CLCN3: variants seen among roughly 807,000 people sequenced by gnomAD.
CLCN3 encodes H(+)/Cl(-) exchange transporter 3.
In CLCN3, 16 loss-of-function variants were observed where a neutral mutation model predicts 83.4. The ratio of observed to expected loss-of-function variants is 0.19; its 90% CI spans 0.13 to 0.29. The LOEUF (loss-of-function observed/expected upper bound fraction) is 0.29, where lower values mean the gene tolerates loss of function less well. CLCN3 is among the 10% of genes least tolerant of loss of function. The probability of loss-of-function intolerance (pLI) is 1.00; values close to 1 mark genes in which losing one functional copy is unlikely to be tolerated. For missense variants in CLCN3, 544 were observed against 1,006.0 expected (o/e 0.54, Z 6.21); for synonymous variants, 322 against 346.2 (o/e 0.93, Z 0.78).
chr4:169,678,886 C>G (rs1731789402), intron 2 of CLCN3, among the ~76,000 whole-genome samples: 1 of 152,062 alleles, frequency 6.6e-6, no homozygotes, highest in Admixed American at 6.6e-5. Context: ...TTTGACAAAA[C>G]TGCCATCCTC....
Position 169,678,532 on chromosome 4 carries a change from G to C in CLCN3, c.161-1518G>C, listed in dbSNP as rs564455745. On this transcript the variant is annotated intron_variant, in intron 2 of 12. Transcript: ENST00000513761. ...GTCAGCAGATAAACATGTGAACAAA[G>C]GTCTCTGGTTTTCCTAGGCAGAGGA... 5.3e-5 allele frequency among the ~76,000 whole-genome samples: 8 copies of C among 152,204 alleles called. No individual in the cohort carries two copies. The East Asian group carries it at 1.2e-3, about 22-fold the overall frequency.
At chr4:169,629,971 C>A (rs1217666536) in intron 1 of CLCN3, among the ~76,000 whole-genome samples, 1 of 152,050 alleles carries the variant, frequency 6.6e-6, no homozygotes, top group Non-Finnish European at 1.5e-5. Context: ...AGCACCTATT[C>A]TTTAAGGTTG....
At chr4:169,672,244 A>AGATAGATAGATAGATAGATG (rs1256267197) in intron 2 of CLCN3, among the ~76,000 whole-genome samples, 40 of 151,956 alleles carry the variant, frequency 2.6e-4, no homozygotes, top group African/African-American at 9.2e-4. Context: ...ATAGATAGAT[A>AGATAGATAGATAGATAGATG]GATAGATAGA....
At chr4:169,682,477 A>G (rs1311487403) in intron 3 of CLCN3, among the ~76,000 whole-genome samples, 1 of 152,200 alleles carries the variant, frequency 6.6e-6, no homozygotes, top group Non-Finnish European at 1.5e-5. Context: ...CCATAGTTTG[A>G]TGTCACTCTT....
chr4:169,676,841 A>T (rs1249623943), intron 2 of CLCN3, among the ~76,000 whole-genome samples: 1 of 152,046 alleles, frequency 6.6e-6, no homozygotes. Context: ...TCTTTTACAG[A>T]CTATACTCAT....
intron 12 of CLCN3, among the ~76,000 whole-genome samples, chr4:169,718,746 T>G (rs955934559): frequency 1.3e-5 from 2 of 152,242 alleles, no homozygotes; most frequent in Admixed American, 1.3e-4. Flanking sequence ...CAACTGATTA[T>G]GTATTCCTGT....
chr4:169,723,067 G>A lies in CLCN3; in HGVS notation c.*3070G>A, dbSNP rs1261455465. On this transcript the variant is annotated 3_prime_UTR_variant, in exon 13 of 13. Transcript: ENST00000513761. ...GAATGCTTAGTTAATCTGTAATGTT[G>A]CCTAGAGCTGTATTTATCTGTTTTT... is the stretch of plus-strand genomic sequence containing the variant. 1 of 152,112 alleles carries A rather than the reference G, an allele frequency of 6.6e-6. No individual in the cohort carries two copies. The highest frequency in any genetic ancestry group is 1.5e-5 in the Non-Finnish European group (1 of 68,026). 9.4% of individuals were successfully genotyped at this position (152,112 alleles called of 1,614,324 possible).
chr4:169,680,157 A>G lies in CLCN3; in HGVS notation c.268A>G (p.Thr90Ala). ...TGTTGGTACATATGATGATTTCCAT[A>G]CTATTGATTGGGTGCGAGAAAAATG... ...PGVGTYDDFHTIDWVREKCKD... is the reference protein window; with the variant it reads ...PGVGTYDDFHAIDWVREKCKD... The change falls in exon 3 of 13, where the codon ACT becomes GCT. Residue 90 changes from threonine to alanine, a missense_variant. Thr to Ala is a moderately conservative substitution (Grantham distance 58). Transcript: ENST00000513761. The G allele has an allele frequency of 1.2e-6, 2 of 1,613,842 alleles. No individual in the cohort carries two copies. Among genetic ancestry groups the G allele is most frequent in the Non-Finnish European group, 1.7e-6 (2 of 1,179,720 alleles).
intron 3 of CLCN3, among the ~76,000 whole-genome samples, chr4:169,686,419 C>CTTT (rs34609299): frequency 7.1e-6 from 1 of 141,616 alleles, no homozygotes; most frequent in Non-Finnish European, 1.5e-5. Flanking sequence ...TGAAAATTGA[C>CTTT]TTTTTTTTTT....
At chr4:169,708,359 C>T (rs534405747) in intron 11 of CLCN3, among the ~76,000 whole-genome samples, 2 of 152,260 alleles carry the variant, frequency 1.3e-5, no homozygotes, top group African/African-American at 4.8e-5. Context: ...ACACCCTGTT[C>T]AGTTTGGGAA....
Position 169,697,701 on chromosome 4 carries a change from A to C in CLCN3, c.1530A>C (p.Lys510Asn). 6.2e-7 allele frequency: 1 copy of C among 1,612,262 alleles called. No homozygotes were observed. Among genetic ancestry groups the C allele is most frequent in the Non-Finnish European group, 8.5e-7 (1 of 1,179,498 alleles). The change falls in exon 9 of 13, where the codon AAA becomes AAC. Residue 510 changes from lysine (K) to asparagine (N), a missense_variant. Physicochemically the swap from Lys to Asn is moderately conservative, Grantham distance 94 (BLOSUM62 0). Around this residue, in one of 6 missense-constraint regions of CLCN3, gnomAD observed 194 missense variants for 341.4 expected, o/e 0.57. Transcript: ENST00000513761. ...AGTTATGCCTGGCACTCATATTTAA[A>C]ATCATAATGACAGTATTCACTTTTG... ...IWQLCLALIFKIIMTVFTFGI... is the reference protein window; with the variant it reads ...IWQLCLALIFNIIMTVFTFGI...
Position 169,707,229 on chromosome 4 carries a change from G to T in CLCN3, c.2112G>T (p.Val704=). 2 of 1,612,950 alleles carry T rather than the reference G, an allele frequency of 1.2e-6. No individual in the cohort carries two copies. The highest frequency in any genetic ancestry group is 1.7e-6 in the Non-Finnish European group (2 of 1,179,434). ...VIMSKESQRL[V]GFALRRDLTI... is the part of the protein sequence containing the mutation. ...TGTCAAAAGAATCTCAGAGATTAGT[G>T]GGATTTGCCCTCAGAAGAGACCTGA... The change falls in exon 11 of 13, where the codon GTG becomes GTT. Residue 704 remains valine (V), a synonymous_variant. Coordinates refer to ENST00000513761, the MANE Select transcript of CLCN3 (RefSeq NM_001829.4).
chr4:169,652,813 AT>A (rs1730766553), intron 2 of CLCN3, among the ~76,000 whole-genome samples: 1 of 152,062 alleles, frequency 6.6e-6, no homozygotes, highest in African/African-American at 2.4e-5. Flanking sequence ...CTATGTATGG[AT>A]TTTGATTGTG....
intron 1 of CLCN3, among the ~76,000 whole-genome samples, chr4:169,628,992 A>G (rs1020525248): frequency 4.6e-5 from 7 of 152,242 alleles, no homozygotes; most frequent in Non-Finnish European, 8.8e-5. Flanking sequence ...CACATGTAAC[A>G]CCCTGGATGA....
Position 169,661,935 on chromosome 4 carries a change from A to G in CLCN3, c.161-18115A>G, listed in dbSNP as rs181317950. On this transcript the variant is annotated intron_variant, in intron 2 of 12. Transcript: ENST00000513761. ...AATGTCACATTATTTGCTAATCAGT[A>G]ATTAAACTGTAAAACAAGACAGACT... Among the ~76,000 whole-genome samples the G allele has an allele frequency of 7.2e-4, 109 of 152,256 alleles. 1 individual carries two copies. Among genetic ancestry groups the G allele is most frequent in the African/African-American group, 1.1e-3 (46 of 41,562 alleles).
intron 1 of CLCN3, among the ~76,000 whole-genome samples, chr4:169,627,236 A>G (rs1385359131): frequency 6.6e-6 from 1 of 152,144 alleles, no homozygotes; most frequent in Non-Finnish European, 1.5e-5. Flanking sequence ...AGGTTTTACT[A>G]TGATGCTTTT....
intron 2 of CLCN3, among the ~76,000 whole-genome samples, chr4:169,672,638 T>C (rs1253446522): frequency 6.6e-6 from 1 of 152,140 alleles, no homozygotes; most frequent in Non-Finnish European, 1.5e-5. Flanking sequence ...TTTTAGCCTA[T>C]ATAAGTTATA....
chr4:169,625,550 T>C (rs564322943), intron 1 of CLCN3, among the ~76,000 whole-genome samples: 1 of 152,328 alleles, frequency 6.6e-6, no homozygotes, highest in African/African-American at 2.4e-5. Flanking sequence ...GGTAACCTTC[T>C]TTATAGTCTG....
At chr4:169,681,859 AAC>A (rs1302868335) in intron 3 of CLCN3, among the ~76,000 whole-genome samples, 3 of 152,326 alleles carry the variant, frequency 2.0e-5, no homozygotes, top group South Asian at 2.1e-4. Flanking sequence ...GGCTTAATAA[AAC>A]ACTGCTGGAT....
Sources: gnomAD v4.1 joint callset for allele counts (sites outside exome capture counted in the v4.1 genomes callset) on GRCh38, gnomAD v4.1.1 for gene constraint, gnomAD v4.1.1 regional missense constraint, MANE v1.5 for transcripts, NCBI Gene and HGNC (gene_info 2026-07-23, HGNC 2026-07-21) for gene names.